Variants in HOMER1 observed in about 807,000 individuals in gnomAD.
The protein encoded by HOMER1 is homer scaffold protein 1.
In HOMER1, 3 loss-of-function variants were observed where a neutral mutation model predicts 48.9. The ratio of observed to expected loss-of-function variants is 0.06; its 90% CI spans 0.03 to 0.16. The LOEUF (loss-of-function observed/expected upper bound fraction) is 0.16, where lower values mean the gene tolerates loss of function less well. Ranked by LOEUF, HOMER1 falls within the 10% of genes least tolerant of loss-of-function variation. The pLI is 1.00. For missense variants in HOMER1, 247 were observed against 411.4 expected (o/e 0.60, Z 3.46); for synonymous variants, 134 against 146.4 (o/e 0.92, Z 0.61).
chr5:79,385,713 G>A (rs959050322), intron 8 of HOMER1, among the ~76,000 whole-genome samples: 5 of 151,782 alleles, frequency 3.3e-5, no homozygotes, highest in Middle Eastern at 3.4e-3. Flanking sequence ...CATGTTGGTG[G>A]GCATCTGTAA....
intron 5 of HOMER1, among the ~76,000 whole-genome samples, chr5:79,418,273 T>C (rs1445973779): frequency 6.6e-6 from 1 of 152,198 alleles, no homozygotes; most frequent in African/African-American, 2.4e-5. Context: ...GAATCAATAA[T>C]AGCTTAGTCC....
Position 79,375,304 on chromosome 5 carries a change from C to A in HOMER1, c.*705G>T, listed in dbSNP as rs1274363407. ...TGTGTAATAAAATGGGAGACAATAT[C>A]TTCTCATAAATACATGGAATCAATA... is the stretch of plus-strand genomic sequence containing the variant. On this transcript the variant is annotated 3_prime_UTR_variant, in exon 9 of 9. Transcript: ENST00000334082. The A allele has an allele frequency of 2.0e-5, 3 of 152,030 alleles. No individual in the cohort carries two copies. Among genetic ancestry groups the A allele is most frequent in the Admixed American group, 1.3e-4 (2 of 15,268 alleles). The allele number at this position is 152,030 out of a possible 1,614,324, so 9.4% of individuals were successfully genotyped here.
chr5:79,395,993 C>T (rs1318730544), intron 8 of HOMER1, among the ~76,000 whole-genome samples: 1 of 152,148 alleles, frequency 6.6e-6, no homozygotes, highest in Non-Finnish European at 1.5e-5. Flanking sequence ...TCACTCTATA[C>T]ATATACTTAT....
intron 1 of HOMER1, among the ~76,000 whole-genome samples, chr5:79,461,307 G>C (rs1751312089): frequency 6.6e-6 from 1 of 152,174 alleles, no homozygotes. Flanking sequence ...GATTGTTCAA[G>C]TGTCCAGGTA....
At chr5:79,497,662 GAAAAAA>G (rs1212983044) in intron 1 of HOMER1, among the ~76,000 whole-genome samples, 1 of 73,026 alleles carries the variant, frequency 1.4e-5, no homozygotes, top group South Asian at 4.8e-4. Context: ...CTGTCTCAAA[GAAAAAA>G]AAAAAAAAAA....
chr5:79,392,235 C>T (rs895643761), intron 8 of HOMER1, among the ~76,000 whole-genome samples: 1 of 152,036 alleles, frequency 6.6e-6, no homozygotes. Context: ...TATCTGACAG[C>T]CCCAGGCAGG....
chr5:79,379,079 C>CATATATATATATATATATATATAT (rs3082000), intron 8 of HOMER1, among the ~76,000 whole-genome samples: 2 of 55,214 alleles, frequency 3.6e-5, no homozygotes, highest in Non-Finnish European at 7.9e-5. Context: ...ACCTTTTGTC[C>CATATATATATATATATATATATAT]ATATATATAT....
Position 79,388,263 on chromosome 5 carries a change from G to C in HOMER1, c.876+8560C>G, listed in dbSNP as rs559434804. On this transcript the variant is annotated intron_variant, in intron 8 of 8. Coordinates refer to ENST00000334082, the MANE Select transcript of HOMER1 (RefSeq NM_004272.5). ...AGAAAGGAATCTTGCGGGGTAAAGG[G>C]AAAAATAAGCAAGAAAGGAAAATTT... is the stretch of plus-strand genomic sequence containing the variant. 2.6e-5 allele frequency among the ~76,000 whole-genome samples: 4 copies of C among 152,232 alleles called. No homozygotes were observed. The South Asian group carries it at 8.3e-4, about 32-fold the overall frequency.
intron 1 of HOMER1, among the ~76,000 whole-genome samples, chr5:79,511,385 A>C (rs1752937417): frequency 1.3e-5 from 2 of 152,276 alleles, no homozygotes; most frequent in Non-Finnish European, 2.9e-5. Flanking sequence ...GCAGAAACCA[A>C]CTAGTGATCA....
rs560329248 is a variant in HOMER1 at position 79,507,082 on chromosome 5, G to A, written c.5+5688C>T. 1.7e-4 allele frequency among the ~76,000 whole-genome samples: 25 copies of A among 151,144 alleles called. No homozygotes were observed. In the Middle Eastern group the frequency reaches 0.014, roughly 83 times the overall value. ...GCAAAAATTAGCCAGGTGTGGTGGC[G>A]CGCACCAGTAGTCCCAGCTACCTGG... On this transcript the variant is annotated intron_variant, in intron 1 of 8. Transcript: ENST00000334082.
At chr5:79,436,709 GATT>G (rs1750593179) in intron 5 of HOMER1, among the ~76,000 whole-genome samples, 1 of 152,114 alleles carries the variant, frequency 6.6e-6, no homozygotes, top group Non-Finnish European at 1.5e-5. Flanking sequence ...GAAAATCATG[GATT>G]ATATCATCTC....
At chr5:79,480,149 A>G (rs922473456) in intron 1 of HOMER1, among the ~76,000 whole-genome samples, 1 of 152,210 alleles carries the variant, frequency 6.6e-6, no homozygotes, top group Non-Finnish European at 1.5e-5. Context: ...AAATTCAACA[A>G]GAGAATCAGA....
At chr5:79,460,348 G>A (rs1340387435) in intron 1 of HOMER1, among the ~76,000 whole-genome samples, 1 of 152,144 alleles carries the variant, frequency 6.6e-6, no homozygotes, top group Admixed American at 6.5e-5. Flanking sequence ...TTGGGAGGCT[G>A]GGGTGGGAGG....
In HOMER1 at chr5:79,373,651, T is replaced by G. The variant is rs974491191; in HGVS notation, c.*2358A>C. 6 of 152,026 alleles carry G rather than the reference T, an allele frequency of 3.9e-5. No individual in the cohort carries two copies. Among genetic ancestry groups the G allele is most frequent in the Admixed American group, 1.3e-4 (2 of 15,244 alleles). 9.4% of individuals were successfully genotyped at this position (152,026 alleles called of 1,614,324 possible). On this transcript the variant is annotated 3_prime_UTR_variant, in exon 9 of 9. Transcript: ENST00000334082. Reference sequence around the variant, plus strand: ...AGTTAAAAGTCTTAAGAAGATTTTATTTATATGTGCACTTGTGTCCACCTT... The same window carrying G: ...AGTTAAAAGTCTTAAGAAGATTTTAGTTATATGTGCACTTGTGTCCACCTT...
At chr5:79,460,036 T>TA (rs1056309562) in intron 1 of HOMER1, among the ~76,000 whole-genome samples, 2 of 150,494 alleles carry the variant, frequency 1.3e-5, no homozygotes, top group Admixed American at 1.3e-4. Flanking sequence ...TTCTTTTCTT[T>TA]AACAGATAGG....
intron 1 of HOMER1, among the ~76,000 whole-genome samples, chr5:79,481,145 C>T (rs1206248677): frequency 6.6e-6 from 1 of 152,160 alleles, no homozygotes; most frequent in East Asian, 1.9e-4. Flanking sequence ...CTGGGCAGCA[C>T]TTTCAGAGTC....
chr5:79,424,835 A>G (rs1482867341), intron 5 of HOMER1, among the ~76,000 whole-genome samples: 1 of 152,080 alleles, frequency 6.6e-6, no homozygotes, highest in Non-Finnish European at 1.5e-5. Context: ...ACCAACAGAA[A>G]TCTTTCTCCA....
At chr5:79,455,436 C>T (rs185395630) in intron 2 of HOMER1, among the ~76,000 whole-genome samples, 382 of 152,266 alleles carry the variant, frequency 2.5e-3, no homozygotes, top group African/African-American at 8.6e-3. Flanking sequence ...TGGTTTTATA[C>T]GCATCTGGCA....
intron 2 of HOMER1, among the ~76,000 whole-genome samples, chr5:79,451,667 G>A (rs1045412221): frequency 2.2e-5 from 3 of 138,686 alleles, no homozygotes; most frequent in Admixed American, 8.1e-5. Context: ...CCGGGTTCAC[G>A]CCATTCTCCT....
Sources: allele counts gnomAD v4.1 joint callset (sites outside exome capture counted in the v4.1 genomes callset), GRCh38; gene constraint gnomAD v4.1.1; transcripts MANE v1.5; gene names NCBI Gene and HGNC (gene_info 2026-07-23, HGNC 2026-07-21).